ZFHX2: variants seen among roughly 807,000 people sequenced by gnomAD.
The protein encoded by ZFHX2 is zinc finger homeobox 2.
In ZFHX2, 75 loss-of-function variants were observed where a neutral mutation model predicts 164.8. The observed-to-expected ratio is 0.46, with a 90% CI of 0.38 to 0.55. The LOEUF is 0.55. Among genes scored for constraint, ZFHX2 ranks in the 20% least tolerant of loss-of-function variants. The pLI is 0.00. For synonymous variants in ZFHX2, 1,217 were observed against 1,351.4 expected (o/e 0.90, Z 2.18); for missense variants, 2,933 against 3,308.0 (o/e 0.89, Z 2.78).
chr14:23,550,675 G>T (rs1361378379), intron 1 of ZFHX2, among the ~76,000 whole-genome samples: 1 of 152,204 alleles, frequency 6.6e-6, no homozygotes, highest in African/African-American at 2.4e-5. Context: ...ACGAGCGGAT[G>T]GGGGTGGTAG....
chr14:23,554,744 T>C (rs1484254688), upstream of ZFHX2, among the ~76,000 whole-genome samples: 1 of 152,082 alleles, frequency 6.6e-6, no homozygotes, highest in Non-Finnish European at 1.5e-5. Context: ...TCACTGGTCA[T>C]GTATTTCCAG....
chr14:23,544,732 C>T lies in ZFHX2; in HGVS notation c.-50+6611G>A, dbSNP rs374506996. On this transcript the variant is annotated intron_variant, in intron 1 of 9. Coordinates refer to ENST00000419474, the MANE Select transcript of ZFHX2 (RefSeq NM_033400.3). Reference sequence around the variant, plus strand: ...GTTACACTCTCGCTGCCTCTAATGGCGCTAACCTCATTTCACAGCCATTAG... The same window carrying T: ...GTTACACTCTCGCTGCCTCTAATGGTGCTAACCTCATTTCACAGCCATTAG... Among the ~76,000 whole-genome samples the T allele has an allele frequency of 2.4e-4, 36 of 152,298 alleles. No individual in the cohort carries two copies. In the South Asian group the frequency reaches 2.9e-3, roughly 12 times the overall value.
rs1878308836 is a variant in ZFHX2, at chr14:23,523,506, T to G, written c.6436A>C (p.Thr2146Pro). The G allele has an allele frequency of 1.3e-6, 2 of 1,536,362 alleles. No individual in the cohort carries two copies. The highest frequency in any genetic ancestry group is 1.7e-6 in the Non-Finnish European group (2 of 1,146,918). ...TTGACATCACAATAGGGGCAGTCAG[T>G]GCGCTGGGCTGCTAAGAGGCCCTCA... ...SSEGLLAAQRTDCPYCDVKYD... is the reference protein window; with the variant it reads ...SSEGLLAAQRPDCPYCDVKYD... Residue 2146 changes from threonine (T) to proline (P), a missense_variant, in exon 9 of 10, where the codon ACT (threonine) becomes CCT (proline). Coordinates refer to ENST00000419474, the MANE Select transcript of ZFHX2 (RefSeq NM_033400.3). The surrounding 1 kb of genome is among the most constrained non-coding windows in gnomAD (Gnocchi z 4.1).
Position 23,524,426 on chromosome 14 carries a change from A to G in ZFHX2, c.5516T>C (p.Leu1839Ser). Residue 1839 changes from leucine (L) to serine (S), a missense_variant, in exon 9 of 10, where the codon TTG becomes TCG. Transcript: ENST00000419474. The surrounding 1 kb of genome is among the most constrained non-coding windows in gnomAD (Gnocchi z 5.6). ...CCCTGCTTCACTGCCTGTGGGAGAC[A>G]AGCTGCCGTCCTCATGCTTCCGTTT... ...PLKRKHEDGSLSPTGSEAGGG... is the reference protein window; with the variant it reads ...PLKRKHEDGSSSPTGSEAGGG... 6.5e-7 allele frequency: 1 copy of G among 1,536,140 alleles called. No individual in the cohort carries two copies. Among genetic ancestry groups the G allele is most frequent in the East Asian group, 2.4e-5 (1 of 40,916 alleles).
At chr14:23,540,126 G>A (rs1354045934) in intron 1 of ZFHX2, among the ~76,000 whole-genome samples, 1 of 152,184 alleles carries the variant, frequency 6.6e-6, no homozygotes, top group Non-Finnish European at 1.5e-5. Flanking sequence ...CAGTAGCTGG[G>A]ACTACAGGCA....
chr14:23,540,814 T>C (rs1250556781), intron 1 of ZFHX2, among the ~76,000 whole-genome samples: 1 of 152,234 alleles, frequency 6.6e-6, no homozygotes, highest in Non-Finnish European at 1.5e-5. Flanking sequence ...GGTAGTTCTT[T>C]TCCTTCTCTC....
chr14:23,550,863 C>A (rs980350419), intron 1 of ZFHX2, among the ~76,000 whole-genome samples: 1 of 152,092 alleles, frequency 6.6e-6, no homozygotes, highest in Non-Finnish European at 1.5e-5. Context: ...ATCCATCAGC[C>A]CGCCGGCCGC....
Position 23,533,489 on chromosome 14 carries a change from T to C in ZFHX2, c.1837A>G (p.Met613Val). ...GGTGGGGGAGGAGGGCCTGGCCCCA[T>C]CAATCCAGGTGGCAGGCCCAGCGGC... Reference protein sequence around the residue: ...GLPLGLPPGLMGPGPPPPPGA... With the variant: ...GLPLGLPPGLVGPGPPPPPGA... The change falls in exon 2 of 10, where the codon ATG becomes GTG. Residue 613 changes from methionine (M) to valine (V), a missense_variant. Transcript: ENST00000419474. This position sits in a 1 kb window ranked among gnomAD's most constrained non-coding sequence, Gnocchi z 4.8. The C allele has an allele frequency of 2.0e-6, 3 of 1,535,984 alleles. No homozygotes were observed. Among genetic ancestry groups the C allele is most frequent in the Non-Finnish European group, 2.6e-6 (3 of 1,146,832 alleles).
At chr14:23,529,857 C>T in intron 5 of ZFHX2, 89 bp from the exon 6 acceptor site, 1 of 1,348,994 alleles carries the variant, frequency 7.4e-7, no homozygotes, top group Non-Finnish European at 1.0e-6. Flanking sequence ...GAGTTGGGCA[C>T]TAGAGAAAGG....
intron 1 of ZFHX2, among the ~76,000 whole-genome samples, chr14:23,547,214 C>T (rs1162570924): frequency 6.6e-6 from 1 of 152,226 alleles, no homozygotes; most frequent in African/African-American, 2.4e-5. Context: ...AAGATCTGGG[C>T]AGCAGTAACT....
chr14:23,526,682 A>G lies in ZFHX2; in HGVS notation c.3263-3T>C, dbSNP rs1595142253. 6.5e-7 allele frequency: 1 copy of G among 1,535,906 alleles called. No individual in the cohort carries two copies. The highest frequency in any genetic ancestry group is 2.4e-5 in the East Asian group (1 of 40,876). On this transcript the variant is annotated splice_region_variant and splice_polypyrimidine_tract_variant and intron_variant, in intron 8 of 9. Coordinates refer to ENST00000419474, the MANE Select transcript of ZFHX2 (RefSeq NM_033400.3). ...TTCTGGGGTCAGGTTAGGGCCTTCTAGGGGAGAGAGAAGAAAGTACAATGA... is the reference window on the plus strand; with the variant it reads ...TTCTGGGGTCAGGTTAGGGCCTTCTGGGGGAGAGAGAAGAAAGTACAATGA...
At chr14:23,539,660 G>A (rs1368188495) in intron 1 of ZFHX2, among the ~76,000 whole-genome samples, 4 of 152,164 alleles carry the variant, frequency 2.6e-5, no homozygotes, top group South Asian at 2.1e-4. Flanking sequence ...CAGGCTGGCC[G>A]GCAGAACTGG....
rs777585885 is a variant in ZFHX2, at chr14:23,521,862, C to G, written c.*100G>C. On this transcript the variant is annotated 3_prime_UTR_variant, in exon 10 of 10. Transcript: ENST00000419474. ...AACAGTTCCTGTGAGGTGGGCGGGG[C>G]CAGGGGGTGGGGTGAGGGATTTGAG... is the stretch of plus-strand genomic sequence containing the variant. The G allele has an allele frequency of 3.8e-5, 57 of 1,491,608 alleles. No homozygotes were observed. The highest frequency in any genetic ancestry group is 4.8e-5 in the Non-Finnish European group (54 of 1,126,512). The allele number at this position is 1,491,608 out of a possible 1,614,324, so 92.4% of individuals were successfully genotyped here.
chr14:23,552,177 G>C (rs536022683), upstream of ZFHX2, among the ~76,000 whole-genome samples: 1 of 151,876 alleles, frequency 6.6e-6, no homozygotes, highest in Non-Finnish European at 1.5e-5. Context: ...TTACTCTTTA[G>C]TCTCTGAGAG....
At chr14:23,542,932 C>T (rs1480979539) in intron 1 of ZFHX2, 2 of 152,122 alleles carry the variant, frequency 1.3e-5, no homozygotes, top group Non-Finnish European at 2.9e-5. Context: ...GACAGGGTTT[C>T]ACCATGTTGT....
At chr14:23,550,403 T>A (rs1160528324) in intron 1 of ZFHX2, among the ~76,000 whole-genome samples, 6 of 152,246 alleles carry the variant, frequency 3.9e-5, no homozygotes, top group African/African-American at 1.2e-4. Context: ...GGAGAGGGCA[T>A]GGAATCCTAG....
In ZFHX2 at chr14:23,531,565, G is replaced by C. The variant is rs1373149175; in HGVS notation, c.2716C>G (p.Leu906Val). Residue 906 changes from leucine (L) to valine (V), a missense_variant, in exon 4 of 10, where the codon CTA becomes GTA. Coordinates refer to ENST00000419474, the MANE Select transcript of ZFHX2 (RefSeq NM_033400.3). ...DAQAQRRLQL[L>V]QNGPTTEEGL... ...TCCTCAGTGGTTGGGCCATTCTGTA[G>C]CAGCTGCAGACGCCTCTGGGCCTGG... 6.6e-7 allele frequency: 1 copy of C among 1,525,120 alleles called. No homozygotes were observed. The highest frequency in any genetic ancestry group is 1.2e-5 in the South Asian group (1 of 82,648). 94.5% of individuals were successfully genotyped at this position (1,525,120 alleles called of 1,614,324 possible). A position where few individuals can be genotyped will look rare whatever the true frequency, so the allele number is the denominator to read the frequency against.
At chr14:23,527,581 G>C in intron 7 of ZFHX2, 23 bp downstream of exon 7, 1 of 1,536,204 alleles carries the variant, frequency 6.5e-7, no homozygotes, top group Non-Finnish European at 8.7e-7. Flanking sequence ...TTGTTGTACC[G>C]TCCTCACCCA....
rs1448508338 is a variant in ZFHX2, at chr14:23,523,343, G to C, written c.6599C>G (p.Ala2200Gly). 1.4e-6 allele frequency: 2 copies of C among 1,466,206 alleles called. No individual in the cohort carries two copies. The highest frequency in any genetic ancestry group is 2.8e-5 in the African/African-American group (2 of 70,986). 90.8% of individuals were successfully genotyped at this position (1,466,206 alleles called of 1,614,324 possible). The change falls in exon 9 of 10, where the codon GCT (alanine) becomes GGT (glycine). Residue 2200 changes from alanine to glycine, a missense_variant. Transcript: ENST00000419474. The surrounding 1 kb of genome is among the most constrained non-coding windows in gnomAD (Gnocchi z 4.1). ...TGTGGTGGCAGGTGGGGCCTTGAGA[G>C]CTGGGGGAGCCTCAGGTGCTGGGGC... ...DLAPAPEAPP[A>G]LKAPPATTPA...
Sources: gnomAD v4.1 joint callset for allele counts (sites outside exome capture counted in the v4.1 genomes callset) on GRCh38, gnomAD v4.1.1 for gene constraint, Gnocchi (gnomAD v3.1) non-coding constraint, MANE v1.5 for transcripts, NCBI Gene and HGNC (gene_info 2026-07-23, HGNC 2026-07-21) for gene names.